Variants in CA8 observed in about 807,000 individuals in gnomAD.
CA8 encodes carbonic anhydrase 8 (inactive).
A neutral mutation model predicts 41.4 loss-of-function variants in CA8; 22 were observed. The observed-to-expected ratio is 0.53, with a 90% CI of 0.38 to 0.76. CA8 has a LOEUF of 0.76. Ranked by LOEUF, CA8 falls within the 30% of genes least tolerant of loss-of-function variation. The pLI is 0.00. For missense variants in CA8, 270 were observed against 352.8 expected, an observed-to-expected ratio of 0.77 and a Z score of 1.88; for synonymous variants, 121 against 130.6, an observed-to-expected ratio of 0.93 and a Z score of 0.50.
chr8:60,237,362 G>C (rs1047393048), intron 3 of CA8, among the ~76,000 whole-genome samples: 17 of 152,220 alleles, frequency 1.1e-4, no homozygotes, highest in African/African-American at 4.1e-4. Context: ...AGCAAAGGCA[G>C]GGAAGCAGGA....
At chr8:60,228,520 C>T (rs972894068) in intron 4 of CA8, among the ~76,000 whole-genome samples, 2 of 152,212 alleles carry the variant, frequency 1.3e-5, no homozygotes, top group African/African-American at 4.8e-5. Context: ...CAATGTGGTG[C>T]TCAGGAACAG....
chr8:60,226,590 A>G (rs1226380201), intron 5 of CA8, among the ~76,000 whole-genome samples: 2 of 152,280 alleles, frequency 1.3e-5, no homozygotes, highest in Non-Finnish European at 2.9e-5. Flanking sequence ...CACTTCACAC[A>G]TGTTGTGACA....
chr8:60,249,509 A>C (rs1175300522), intron 3 of CA8, among the ~76,000 whole-genome samples: 2 of 152,168 alleles, frequency 1.3e-5, no homozygotes, highest in African/African-American at 4.8e-5. Context: ...AAATAAAATA[A>C]AATTTTCATT....
intron 3 of CA8, among the ~76,000 whole-genome samples, chr8:60,263,190 G>T (rs1444463276): frequency 1.3e-5 from 2 of 151,986 alleles, no homozygotes; most frequent in Non-Finnish European, 2.9e-5. Context: ...TGGTGTGCTG[G>T]CATGCACCTA....
intron 7 of CA8, among the ~76,000 whole-genome samples, chr8:60,212,535 CA>C (rs1433161372): frequency 6.6e-6 from 1 of 152,084 alleles, no homozygotes; most frequent in Non-Finnish European, 1.5e-5. Context: ...TGGAAATCAA[CA>C]AGACATGGAA....
chr8:60,217,026 G>T (rs980823335), intron 7 of CA8, among the ~76,000 whole-genome samples: 4 of 152,126 alleles, frequency 2.6e-5, no homozygotes, highest in African/African-American at 9.7e-5. Context: ...TGGGATTACA[G>T]GCGCCTGCCA....
chr8:60,242,295 T>C (rs1326645669), intron 3 of CA8, among the ~76,000 whole-genome samples: 1 of 152,214 alleles, frequency 6.6e-6, no homozygotes, highest in Non-Finnish European at 1.5e-5. Context: ...CATTAGCATC[T>C]TTATAATAAT....
intron 2 of CA8, among the ~76,000 whole-genome samples, chr8:60,277,555 A>G (rs1480596943): frequency 1.3e-5 from 2 of 152,090 alleles, no homozygotes; most frequent in African/African-American, 4.8e-5. Flanking sequence ...GGGTTTCACC[A>G]TGTTGGTCAG....
chr8:60,265,619 C>T (rs1429305318), intron 3 of CA8: 1 of 354,344 alleles, frequency 2.8e-6, no homozygotes, highest in Non-Finnish European at 5.3e-6. Context: ...AAAGCATCCA[C>T]AAAAATGACC....
intron 2 of CA8, among the ~76,000 whole-genome samples, chr8:60,269,262 C>T (rs1303850402): frequency 2.4e-4 from 36 of 152,140 alleles, no homozygotes; most frequent in Non-Finnish European, 1.5e-4. Flanking sequence ...AACAAATCAT[C>T]TCAGAAGGGG....
chr8:60,225,285 A>G (rs971012996), intron 5 of CA8, among the ~76,000 whole-genome samples: 2 of 152,146 alleles, frequency 1.3e-5, no homozygotes, highest in African/African-American at 4.8e-5. Context: ...GATGTTTCTT[A>G]AAAGATTTTT....
intron 3 of CA8, among the ~76,000 whole-genome samples, chr8:60,263,533 A>AC (rs368737538): frequency 6.6e-6 from 1 of 151,838 alleles, no homozygotes; most frequent in African/African-American, 2.4e-5. Context: ...CTCAAAAAAA[A>AC]CAAAAAACAA....
At chr8:60,213,848 G>A (rs563707571) in intron 7 of CA8, among the ~76,000 whole-genome samples, 112 of 151,686 alleles carry the variant, frequency 7.4e-4, no homozygotes, top group Middle Eastern at 6.8e-3. Flanking sequence ...CTGGCCTAGC[G>A]CTGCCCTTCA....
In CA8 at chr8:60,281,205, C is replaced by T. The variant is rs550975045; in HGVS notation, c.-58G>A. ...CAGCAGTGCCTGCGCCTTCGCTGGG[C>T]GCGGGGCTGGAGCCGGAGCGGAGCG... is the stretch of plus-strand genomic sequence containing the variant. On this transcript the variant is annotated 5_prime_UTR_variant, in exon 1 of 9. Transcript: ENST00000317995. The T allele has an allele frequency of 8.0e-6, 10 of 1,249,174 alleles. No individual in the cohort carries two copies. Among genetic ancestry groups the T allele is most frequent in the South Asian group, 6.4e-5 (5 of 78,090 alleles). The allele number at this position is 1,249,174 out of a possible 1,614,324, so 77.4% of individuals were successfully genotyped here.
chr8:60,252,222 T>C (rs1002667275), intron 3 of CA8, among the ~76,000 whole-genome samples: 21 of 152,294 alleles, frequency 1.4e-4, no homozygotes, highest in African/African-American at 5.1e-4. Flanking sequence ...GGGAGAGATT[T>C]CAGGACCATC....
chr8:60,244,263 G>C (rs1269812253), intron 3 of CA8, among the ~76,000 whole-genome samples: 1 of 152,156 alleles, frequency 6.6e-6, no homozygotes, highest in Non-Finnish European at 1.5e-5. Context: ...ATAATCTATA[G>C]ATAGACTTAT....
intron 4 of CA8, among the ~76,000 whole-genome samples, chr8:60,228,923 T>C (rs1229111264): frequency 6.6e-6 from 1 of 152,194 alleles, no homozygotes; most frequent in East Asian, 1.9e-4. Flanking sequence ...TTGCCAAATT[T>C]GTGTATGAAG....
chr8:60,234,756 T>G (rs1807773770), intron 3 of CA8, among the ~76,000 whole-genome samples: 1 of 152,136 alleles, frequency 6.6e-6, no homozygotes, highest in African/African-American at 2.4e-5. Context: ...TCTTGGCGGT[T>G]CCAGGGCAGA....
Position 60,209,560 on chromosome 8 carries a change from T to C in CA8, c.739-641A>G, listed in dbSNP as rs551829317. Among the ~76,000 whole-genome samples the C allele has an allele frequency of 5.9e-5, 9 of 152,308 alleles. No homozygotes were observed. In the East Asian group the frequency reaches 1.7e-3, roughly 29 times the overall value. On this transcript the variant is annotated intron_variant, in intron 7 of 8. Coordinates refer to ENST00000317995, the MANE Select transcript of CA8 (RefSeq NM_004056.6). Reference sequence around the variant, plus strand: ...AGCATAATAAGAAAAAGTGAACAAATGAATGTGCTCTTAAATGCTTTCCAA... The same window carrying C: ...AGCATAATAAGAAAAAGTGAACAAACGAATGTGCTCTTAAATGCTTTCCAA...
Sources: gnomAD v4.1 joint callset for allele counts (sites outside exome capture counted in the v4.1 genomes callset) on GRCh38, gnomAD v4.1.1 for gene constraint, MANE v1.5 for transcripts, NCBI Gene and HGNC (gene_info 2026-07-23, HGNC 2026-07-21) for gene names.